The following MSR1 variants were observed in gnomAD, a reference collection of about 807,000 sequenced individuals.
MSR1 encodes the protein macrophage scavenger receptor types I and II.
Under a neutral mutation model 47.2 loss-of-function variants are expected in MSR1, and 53 were observed. The observed-to-expected ratio is 1.12, with a 90% confidence interval of 0.90 to 1.41. The LOEUF (loss-of-function observed/expected upper bound fraction) is 1.41. MSR1 is among the 40% of genes most tolerant of loss of function. The probability of loss-of-function intolerance (pLI) is 0.00; values close to 1 mark genes in which losing one functional copy is unlikely to be tolerated. For synonymous variants in MSR1, 239 were observed against 185.6 expected, an observed-to-expected ratio of 1.29 and a Z score of -2.34; for missense variants, 786 against 546.9, an observed-to-expected ratio of 1.44 and a Z score of -4.36.
intron 9 of MSR1, among the ~76,000 whole-genome samples, chr8:16,111,631 A>C (rs1308821491): frequency 6.6e-6 from 1 of 152,162 alleles, no homozygotes; most frequent in East Asian, 1.9e-4. Context: ...TGTTTTTAGA[A>C]ATTGCAGTAA....
At chr8:16,140,901 C>G in intron 8 of MSR1, 1 of 1,609,950 alleles carries the variant, frequency 6.2e-7, no homozygotes, top group Non-Finnish European at 8.5e-7. Context: ...GGAGGAGTCA[C>G]AAAAGGATCT....
chr8:16,161,418 G>A (rs1259841759), intron 5 of MSR1, among the ~76,000 whole-genome samples: 1 of 151,880 alleles, frequency 6.6e-6, no homozygotes, highest in Admixed American at 6.6e-5. Context: ...ATCCAAAGTG[G>A]AGGTATCTAA....
chr8:16,143,513 C>T (rs1426249995), intron 8 of MSR1, 45 bp downstream of exon 8: 2 of 1,549,106 alleles, frequency 1.3e-6, no homozygotes, highest in South Asian at 2.2e-5. Context: ...CACAGACTTA[C>T]TTATTACAAG....
intron 9 of MSR1, among the ~76,000 whole-genome samples, chr8:16,118,811 T>G (rs1799934429): frequency 6.6e-6 from 1 of 152,036 alleles, no homozygotes; most frequent in Non-Finnish European, 1.5e-5. Context: ...TTTTTCTTTT[T>G]CCTCTTCTCC....
At chr8:16,169,178 T>A (rs567150887) in intron 3 of MSR1, among the ~76,000 whole-genome samples, 10 of 152,292 alleles carry the variant, frequency 6.6e-5, no homozygotes, top group Non-Finnish European at 1.3e-4. Flanking sequence ...TAAAAAAAAA[T>A]TCTATAGATT....
chr8:16,185,901 G>T (rs1389713910), intron 1 of MSR1, among the ~76,000 whole-genome samples: 1 of 151,164 alleles, frequency 6.6e-6, no homozygotes, highest in Non-Finnish European at 1.5e-5. Context: ...TATTCAGTGG[G>T]TGAGTAGAGG....
chr8:16,192,443 G>A lies in MSR1; in HGVS notation c.-5+155C>T, dbSNP rs557384064. On this transcript the variant is annotated intron_variant, in intron 1 of 9. Transcript: ENST00000262101. ...TCGAAAAAAACCAAACCAAATTATT[G>A]CTGATACAATAAAGCATTCATCTCA... Among the ~76,000 whole-genome samples the A allele has an allele frequency of 3.5e-4, 45 of 129,136 alleles. 1 individual carries two copies. The South Asian group carries it at 0.01, about 29-fold the overall frequency. The allele number at this position is 129,136 out of a possible 152,430, so 84.7% of individuals were successfully genotyped here.
chr8:16,117,354 G>T (rs1390121314), intron 9 of MSR1, among the ~76,000 whole-genome samples: 2 of 152,136 alleles, frequency 1.3e-5, no homozygotes, highest in Non-Finnish European at 2.9e-5. Context: ...TAGAGCTGGG[G>T]AGCGGCTGCA....
At chr8:16,192,528 A>T (rs1802228283) in intron 1 of MSR1, 70 bp downstream of exon 1, 1 of 151,972 alleles carries the variant, frequency 6.6e-6, no homozygotes, top group Non-Finnish European at 1.5e-5. Context: ...ACACACACAG[A>T]GTACACACAT....
At chr8:16,115,263 G>A (rs966681992) in intron 9 of MSR1, among the ~76,000 whole-genome samples, 31 of 152,120 alleles carry the variant, frequency 2.0e-4, no homozygotes, top group African/African-American at 7.0e-4. Context: ...ACTTTCCTAA[G>A]AGAAGGATAA....
intron 6 of MSR1, among the ~76,000 whole-genome samples, chr8:16,151,010 C>A (rs1324323671): frequency 6.6e-6 from 1 of 151,860 alleles, no homozygotes; most frequent in Non-Finnish European, 1.5e-5. Context: ...GTGATCATAA[C>A]AACTGTATAT....
intron 9 of MSR1, among the ~76,000 whole-genome samples, chr8:16,114,125 C>T (rs188763962): frequency 1.3e-5 from 2 of 152,060 alleles, no homozygotes; most frequent in Admixed American, 6.5e-5. Context: ...ACTTGTGACC[C>T]TTTGATATAT....
At chr8:16,169,029 G>A (rs1451045445) in intron 3 of MSR1, among the ~76,000 whole-genome samples, 159 bp from the exon 4 acceptor site, 1 of 151,898 alleles carries the variant, frequency 6.6e-6, no homozygotes. Flanking sequence ...TACAACGTGT[G>A]AACTACGCTA....
chr8:16,186,820 C>T (rs1361328311), intron 1 of MSR1, among the ~76,000 whole-genome samples: 1 of 137,588 alleles, frequency 7.3e-6, no homozygotes, highest in African/African-American at 2.9e-5. Flanking sequence ...TACTATGTTG[C>T]CCAGGCTGAT....
chr8:16,129,193 T>C (rs1006057826), intron 8 of MSR1, among the ~76,000 whole-genome samples: 7 of 152,160 alleles, frequency 4.6e-5, no homozygotes, highest in African/African-American at 1.7e-4. Flanking sequence ...CAGAATTATA[T>C]AAAACGTCAT....
In MSR1 at chr8:16,168,788, T is replaced by C; in HGVS notation, c.300A>G (p.Lys100=). 1 of 1,614,050 alleles carries C rather than the reference T, an allele frequency of 6.2e-7. No individual in the cohort carries two copies. Among genetic ancestry groups the C allele is most frequent in the Non-Finnish European group, 8.5e-7 (1 of 1,179,968 alleles). Residue 100 remains lysine, a synonymous_variant, in exon 4 of 10, where the codon AAA becomes AAG. Transcript: ENST00000262101. ...ANDITQSLTG[K]GNDSEEEMRF... ...TCATTTCCTCTTCGCTGTCATTTCC[T>C]TTTCCCGTGAGACTTTGAGTTATAT...
At chr8:16,135,928 G>A (rs183725667) in intron 8 of MSR1, among the ~76,000 whole-genome samples, 34 of 152,254 alleles carry the variant, frequency 2.2e-4, no homozygotes, top group Non-Finnish European at 3.4e-4. Context: ...GCCTGAGGAT[G>A]TGGCTGAATT....
At chr8:16,169,225 TA>T (rs1280839199) in intron 3 of MSR1, among the ~76,000 whole-genome samples, 3 of 152,180 alleles carry the variant, frequency 2.0e-5, no homozygotes, top group Non-Finnish European at 4.4e-5. Context: ...GCTGTTAGAA[TA>T]AAGTGGACTA....
At chr8:16,114,229 A>C (rs1799825937) in intron 9 of MSR1, among the ~76,000 whole-genome samples, 1 of 70,110 alleles carries the variant, frequency 1.4e-5, no homozygotes, top group Non-Finnish European at 5.3e-5. Flanking sequence ...GTTTACCCTT[A>C]CATTTTTTTT....
Sources: gnomAD v4.1 joint callset for allele counts (sites outside exome capture counted in the v4.1 genomes callset) on GRCh38, gnomAD v4.1.1 for gene constraint, MANE v1.5 for transcripts, NCBI Gene and HGNC (gene_info 2026-07-23, HGNC 2026-07-21) for gene names.